The following NRG3 variants were observed in gnomAD, a reference collection of about 807,000 sequenced individuals.
NRG3 encodes pro-neuregulin-3, membrane-bound isoform.
In NRG3, 31 loss-of-function variants were observed where a neutral mutation model predicts 66.9. The ratio of observed to expected loss-of-function variants is 0.46; its 90% CI spans 0.35 to 0.63. NRG3 has a LOEUF of 0.63. NRG3 is among the 20% of genes least tolerant of loss of function. The pLI, the probability that NRG3 is intolerant of heterozygous loss-of-function variation, is 0.00. For missense variants in NRG3, 910 were observed against 878.9 expected (o/e 1.04, Z -0.45); for synonymous variants, 393 against 359.4 (o/e 1.09, Z -1.06).
chr10:82,156,967 T>G (rs2071237806), intron 1 of NRG3, among the ~76,000 whole-genome samples: 1 of 151,796 alleles, frequency 6.6e-6, no homozygotes, highest in Admixed American at 6.6e-5. Context: ...ATTGCTTAAT[T>G]TTCTCTAAAC....
intron 1 of NRG3, among the ~76,000 whole-genome samples, chr10:82,295,010 G>A (rs1352021379): frequency 6.6e-6 from 1 of 152,030 alleles, no homozygotes; most frequent in African/African-American, 2.4e-5. Context: ...AAATCAAGGA[G>A]CCCGGAAAAT....
intron 2 of NRG3, among the ~76,000 whole-genome samples, chr10:82,525,611 A>AT (rs199737759): frequency 0.011 from 1,739 of 151,850 alleles, 32 homozygotes; most frequent in African/African-American, 0.038. Flanking sequence ...ATTGCTGCAG[A>AT]TTTTTTTTCT....
At chr10:82,123,525 A>G (rs1251498617) in intron 1 of NRG3, among the ~76,000 whole-genome samples, 1 of 152,128 alleles carries the variant, frequency 6.6e-6, no homozygotes, top group African/African-American at 2.4e-5. Context: ...CATCTGACGG[A>G]TAACCCTGCT....
chr10:82,729,595 G>A (rs985266638), intron 2 of NRG3, among the ~76,000 whole-genome samples: 2 of 152,270 alleles, frequency 1.3e-5, no homozygotes, highest in East Asian at 1.9e-4. Flanking sequence ...TGTTAATGAG[G>A]TGGTGAGGTT....
chr10:82,736,378 CAT>C (rs151241135), intron 2 of NRG3, among the ~76,000 whole-genome samples: 12,073 of 152,260 alleles, frequency 0.079, 579 homozygotes, highest in Middle Eastern at 0.18. Context: ...ATCAAGGTGA[CAT>C]ATGTGTGATT....
intron 1 of NRG3, among the ~76,000 whole-genome samples, chr10:82,134,858 C>T (rs1473967355): frequency 6.6e-6 from 1 of 151,980 alleles, no homozygotes; most frequent in Non-Finnish European, 1.5e-5. Context: ...CATGGTGGCT[C>T]ATGCCTGTAA....
intron 1 of NRG3, among the ~76,000 whole-genome samples, chr10:82,042,894 T>C (rs901304051): frequency 3.3e-5 from 5 of 152,098 alleles, no homozygotes; most frequent in African/African-American, 4.8e-5. Flanking sequence ...GTAATAATTA[T>C]GTAGTAGGAT....
chr10:82,538,909 A>G (rs368999524), intron 2 of NRG3, among the ~76,000 whole-genome samples: 2 of 152,190 alleles, frequency 1.3e-5, no homozygotes, highest in African/African-American at 4.8e-5. Flanking sequence ...GGCAGCAGGC[A>G]GATGGGGAAG....
intron 1 of NRG3, among the ~76,000 whole-genome samples, chr10:81,970,376 A>G (rs1485217559): frequency 6.6e-6 from 1 of 152,238 alleles, no homozygotes; most frequent in Non-Finnish European, 1.5e-5. Context: ...AATAATTGCA[A>G]CAACAAGACC....
intron 2 of NRG3, among the ~76,000 whole-genome samples, chr10:82,612,373 G>A (rs917025363): frequency 6.6e-6 from 1 of 151,534 alleles, no homozygotes; most frequent in Non-Finnish European, 1.5e-5. Flanking sequence ...AAACAGCATA[G>A]TACTATGGTT....
intron 2 of NRG3, among the ~76,000 whole-genome samples, chr10:82,374,297 T>C (rs1379642525): frequency 6.6e-6 from 1 of 152,168 alleles, no homozygotes; most frequent in Non-Finnish European, 1.5e-5. Context: ...AGAAGGAGAC[T>C]CCCAGAGGGA....
intron 2 of NRG3, among the ~76,000 whole-genome samples, chr10:82,432,737 A>G (rs1015708793): frequency 6.6e-6 from 1 of 152,012 alleles, no homozygotes; most frequent in African/African-American, 2.4e-5. Flanking sequence ...TTCCTGTGTT[A>G]GTTGCTGAGG....
At chr10:82,168,995 C>G (rs2072336163) in intron 1 of NRG3, among the ~76,000 whole-genome samples, 1 of 152,076 alleles carries the variant, frequency 6.6e-6, no homozygotes, top group Non-Finnish European at 1.5e-5. Context: ...CTTTTTAATT[C>G]ATGCCTTCCT....
At chr10:82,757,822 AT>A (rs922964790) in intron 3 of NRG3, among the ~76,000 whole-genome samples, 11 of 151,624 alleles carry the variant, frequency 7.3e-5, no homozygotes, top group South Asian at 2.1e-4. Flanking sequence ...CTCTAATGGA[AT>A]TTTTTTTTAA....
intron 1 of NRG3, among the ~76,000 whole-genome samples, chr10:82,305,594 C>G (rs1039857674): frequency 2.0e-5 from 3 of 151,614 alleles, no homozygotes; most frequent in Admixed American, 1.3e-4. Context: ...TAATTTTTTT[C>G]TTATTATGGT....
intron 1 of NRG3, among the ~76,000 whole-genome samples, chr10:82,179,008 T>G (rs1404316519): frequency 1.3e-5 from 2 of 152,108 alleles, no homozygotes; most frequent in African/African-American, 4.8e-5. Context: ...TGAAAATCTT[T>G]TCATATACCT....
chr10:82,704,618 C>T (rs1231280171), intron 2 of NRG3, among the ~76,000 whole-genome samples: 1 of 152,104 alleles, frequency 6.6e-6, no homozygotes, highest in African/African-American at 2.4e-5. Context: ...TCATGACACT[C>T]CCGGTATTAT....
chr10:82,586,863 A>G (rs1185463872), intron 2 of NRG3, among the ~76,000 whole-genome samples: 1 of 152,184 alleles, frequency 6.6e-6, no homozygotes, highest in Non-Finnish European at 1.5e-5. Flanking sequence ...AATGTAATCA[A>G]AAAGATATTT....
At chr10:82,857,382 G>C (rs931797577) in intron 3 of NRG3, among the ~76,000 whole-genome samples, 4 of 152,202 alleles carry the variant, frequency 2.6e-5, no homozygotes, top group African/African-American at 4.8e-5. Flanking sequence ...GACTGGGGCT[G>C]TGTGCTTTCT....
Sources: allele counts gnomAD v4.1 joint callset (sites outside exome capture counted in the v4.1 genomes callset), GRCh38; gene constraint gnomAD v4.1.1; transcripts MANE v1.5; gene names NCBI Gene and HGNC (gene_info 2026-07-23, HGNC 2026-07-21).